The following RGS17 variants were observed in gnomAD, a reference collection of about 807,000 sequenced individuals.
RGS17 encodes the protein regulator of G-protein signaling 17.
RGS17 carries 12 observed loss-of-function variants against 25.5 expected under a neutral mutation model. The ratio of observed to expected loss-of-function variants is 0.47; its 90% CI spans 0.30 to 0.76. RGS17 has a LOEUF of 0.76. RGS17 is among the 30% of genes least tolerant of loss of function. The pLI, the probability that RGS17 is intolerant of heterozygous loss-of-function variation, is 0.07. For synonymous variants in RGS17, 71 were observed against 76.9 expected, an observed-to-expected ratio of 0.92 and a Z score of 0.40; for missense variants, 196 against 242.2, an observed-to-expected ratio of 0.81 and a Z score of 1.27.
intron 2 of RGS17, among the ~76,000 whole-genome samples, chr6:153,028,407 C>G (rs2129107428): frequency 6.6e-6 from 1 of 152,250 alleles, no homozygotes; most frequent in African/African-American, 2.4e-5. Flanking sequence ...AATTCAGAGA[C>G]AGTGCATAAT....
At chr6:153,101,255 A>AT (rs35150254) in intron 1 of RGS17, among the ~76,000 whole-genome samples, 13 of 152,280 alleles carry the variant, frequency 8.5e-5, no homozygotes, top group Admixed American at 3.3e-4. Flanking sequence ...ACACAGTTTT[A>AT]TTTTTTTCAA....
chr6:153,108,061 G>A (rs1777411335), intron 1 of RGS17, among the ~76,000 whole-genome samples: 1 of 152,116 alleles, frequency 6.6e-6, no homozygotes, highest in Non-Finnish European at 1.5e-5. Context: ...TGTCAGTTAT[G>A]GGGCAATCTC....
intron 1 of RGS17, among the ~76,000 whole-genome samples, chr6:153,091,953 G>A (rs962212407): frequency 6.6e-6 from 1 of 152,098 alleles, no homozygotes; most frequent in African/African-American, 2.4e-5. Flanking sequence ...TTTAGATCAA[G>A]CCACGAGCTT....
At position 153,008,699 on chromosome 6, in the gene RGS17, A is replaced by C. The variant is rs1483166646; in HGVS notation, c.*2875T>G. On this transcript the variant is annotated 3_prime_UTR_variant, in exon 5 of 5. Coordinates refer to ENST00000206262, the MANE Select transcript of RGS17 (RefSeq NM_012419.5). Reference sequence around the variant, plus strand: ...AAGATACCTTGGCAATTGAAAACACAAAGTGTCCATTTTAAAGTGCTAATT... The same window carrying C: ...AAGATACCTTGGCAATTGAAAACACCAAGTGTCCATTTTAAAGTGCTAATT... 3 of 152,220 alleles carry C rather than the reference A, an allele frequency of 2.0e-5. No individual in the cohort carries two copies. The highest frequency in any genetic ancestry group is 1.3e-4 in the Admixed American group (2 of 15,274). 9.4% of individuals were successfully genotyped at this position (152,220 alleles called of 1,614,324 possible). A position where few individuals can be genotyped will look rare whatever the true frequency, so the allele number is the denominator to read the frequency against.
intron 1 of RGS17, among the ~76,000 whole-genome samples, chr6:153,058,500 A>T (rs1220055434): frequency 6.6e-6 from 1 of 152,214 alleles, no homozygotes; most frequent in Non-Finnish European, 1.5e-5. Context: ...TCAACTCGTT[A>T]TCCAACAATC....
At position 153,009,520 on chromosome 6, in the gene RGS17, ATCT is replaced by A. The variant is rs1779110586; in HGVS notation, c.*2051_*2053del. 2 of 151,984 alleles carry A rather than the reference ATCT, an allele frequency of 1.3e-5. No homozygotes were observed. The highest frequency in any genetic ancestry group is 2.9e-5 in the Non-Finnish European group (2 of 67,852). 9.4% of individuals were successfully genotyped at this position (151,984 alleles called of 1,614,324 possible). On this transcript the variant is annotated 3_prime_UTR_variant, in exon 5 of 5. Coordinates refer to ENST00000206262, the MANE Select transcript of RGS17 (RefSeq NM_012419.5). Reference sequence around the variant, plus strand: ...GGAAAAAATATGACTTTTTGTAAACATCTTCATAGCTATCTTTTTTTCAACATA... The same window carrying A: ...GGAAAAAATATGACTTTTTGTAAACATCATAGCTATCTTTTTTTCAACATA...
intron 1 of RGS17, among the ~76,000 whole-genome samples, chr6:153,091,140 G>C (rs1777124487): frequency 6.6e-6 from 1 of 152,052 alleles, no homozygotes; most frequent in African/African-American, 2.4e-5. Flanking sequence ...AAGTTACAAG[G>C]GAAAAAGAAT....
intron 1 of RGS17, among the ~76,000 whole-genome samples, chr6:153,058,436 A>T (rs891283757): frequency 6.6e-6 from 1 of 152,202 alleles, no homozygotes; most frequent in Admixed American, 6.5e-5. Flanking sequence ...TTGACACTGT[A>T]CTTTTTATCA....
At chr6:153,118,098 A>T (rs1016634656) in intron 1 of RGS17, among the ~76,000 whole-genome samples, 9 of 152,182 alleles carry the variant, frequency 5.9e-5, no homozygotes, top group African/African-American at 2.2e-4. Flanking sequence ...AGTGCCAAGG[A>T]AAGGAGGTTG....
intron 1 of RGS17, among the ~76,000 whole-genome samples, chr6:153,116,336 T>C (rs1437142532): frequency 6.6e-6 from 1 of 152,138 alleles, no homozygotes; most frequent in Non-Finnish European, 1.5e-5. Context: ...TCATCATCAC[T>C]GGTCATTAGA....
intron 1 of RGS17, among the ~76,000 whole-genome samples, chr6:153,060,315 C>CAA (rs1274211831): frequency 6.6e-6 from 1 of 152,196 alleles, no homozygotes; most frequent in Non-Finnish European, 1.5e-5. Context: ...TATTTATGTA[C>CAA]AAGCTGGCTT....
At chr6:153,094,566 CTT>C (rs531251432) in intron 1 of RGS17, among the ~76,000 whole-genome samples, 53 of 152,242 alleles carry the variant, frequency 3.5e-4, no homozygotes, top group African/African-American at 1.2e-3. Flanking sequence ...ACACTGAACA[CTT>C]TTAAGAAGGT....
chr6:153,106,261 T>A (rs964946954), intron 1 of RGS17, among the ~76,000 whole-genome samples: 2 of 151,758 alleles, frequency 1.3e-5, no homozygotes, highest in Non-Finnish European at 2.9e-5. Flanking sequence ...GACGTCACTA[T>A]GAGGTGGCCA....
At chr6:153,034,586 G>C in intron 2 of RGS17, among the ~76,000 whole-genome samples, 2 of 152,142 alleles carry the variant, frequency 1.3e-5, no homozygotes, top group East Asian at 3.9e-4. Context: ...AAGAAACCGA[G>C]GCTCAGAGGT....
chr6:153,019,463 C>A (rs987577342), intron 4 of RGS17, among the ~76,000 whole-genome samples: 1 of 152,124 alleles, frequency 6.6e-6, no homozygotes, highest in African/African-American at 2.4e-5. Flanking sequence ...TTTGTTCCCA[C>A]CCTAATCACA....
At chr6:153,016,971 A>T (rs1392089772) in intron 4 of RGS17, among the ~76,000 whole-genome samples, 1 of 152,186 alleles carries the variant, frequency 6.6e-6, no homozygotes, top group Non-Finnish European at 1.5e-5. Context: ...GGGACTGAGG[A>T]ATTTCCTGTA....
intron 1 of RGS17, among the ~76,000 whole-genome samples, chr6:153,103,116 G>C (rs961741597): frequency 2.0e-4 from 30 of 152,042 alleles, no homozygotes; most frequent in Admixed American, 2.0e-3. Flanking sequence ...TTCCAATTTC[G>C]TTAGCTGAAA....
chr6:153,037,209 C>CAG (rs1562317060), intron 2 of RGS17, among the ~76,000 whole-genome samples: 1 of 151,388 alleles, frequency 6.6e-6, no homozygotes, highest in Admixed American at 6.6e-5. Flanking sequence ...CAGACACACA[C>CAG]ACACACACAC....
intron 4 of RGS17, among the ~76,000 whole-genome samples, chr6:153,019,238 T>C (rs1432748538): frequency 6.6e-6 from 1 of 152,204 alleles, no homozygotes; most frequent in Non-Finnish European, 1.5e-5. Flanking sequence ...CAGTTTATAG[T>C]CCTGGTAACG....
Sources: allele counts gnomAD v4.1 joint callset (sites outside exome capture counted in the v4.1 genomes callset), GRCh38; gene constraint gnomAD v4.1.1; transcripts MANE v1.5; gene names NCBI Gene and HGNC (gene_info 2026-07-23, HGNC 2026-07-21).